The following SOX6 variants were observed in gnomAD, a reference collection of about 807,000 sequenced individuals.
The protein encoded by SOX6 is SRY-box transcription factor 6, also known as transcription factor SOX-6.
SOX6 carries 11 observed loss-of-function variants against 97.8 expected under a neutral mutation model. The observed-to-expected ratio is 0.11, with a 90% CI of 0.07 to 0.19. SOX6 has a LOEUF of 0.19. Ranked by LOEUF, SOX6 falls within the 10% of genes least tolerant of loss-of-function variation. The pLI is 1.00. For synonymous variants in SOX6, 360 were observed against 371.4 expected, an observed-to-expected ratio of 0.97 and a Z score of 0.35; for missense variants, 810 against 1,039.5, an observed-to-expected ratio of 0.78 and a Z score of 3.04.
Position 16,501,502 on chromosome 11 carries a change from T to C in SOX6, n.610-25114A>G, listed in dbSNP as rs1369520647. On this transcript the variant is annotated intron_variant and non_coding_transcript_variant, in intron 4 of 5. Transcript: ENST00000524520. Reference sequence around the variant, plus strand: ...AAGAGCTTCTGCACAGCAAAAGAAATTATCATCAGAGTGAACAGGCAACCT... The same window carrying C: ...AAGAGCTTCTGCACAGCAAAAGAAACTATCATCAGAGTGAACAGGCAACCT... 3.4e-3 allele frequency among the ~76,000 whole-genome samples: 515 copies of C among 150,614 alleles called. 2 individuals carry two copies. Among genetic ancestry groups the C allele is most frequent in the African/African-American group, 0.012 (477 of 40,162 alleles).
chr11:16,069,515 C>T (rs1848174007), intron 9 of SOX6, among the ~76,000 whole-genome samples: 1 of 152,104 alleles, frequency 6.6e-6, no homozygotes, highest in African/African-American at 2.4e-5. Context: ...GTAAAGCAAT[C>T]TTTGGGCACC....
intron 3 of SOX6, among the ~76,000 whole-genome samples, chr11:16,277,628 G>A (rs116321191): frequency 6.6e-6 from 1 of 152,138 alleles, no homozygotes; most frequent in Non-Finnish European, 1.5e-5. Context: ...ATCTTCATAG[G>A]CTACTAACCT....
chr11:16,615,000 GACA>G (rs941292208), intron 3 of SOX6, among the ~76,000 whole-genome samples: 19 of 151,950 alleles, frequency 1.3e-4, no homozygotes, highest in African/African-American at 4.6e-4. Context: ...GATGCTAATG[GACA>G]ACAAGAAATG....
At chr11:16,196,190 A>T (rs532706828) in intron 4 of SOX6, among the ~76,000 whole-genome samples, 1 of 152,220 alleles carries the variant, frequency 6.6e-6, no homozygotes, top group South Asian at 2.1e-4. Context: ...CAACAGTCCT[A>T]TGAAGTAGGT....
intron 9 of SOX6, among the ~76,000 whole-genome samples, chr11:16,081,843 T>C (rs761359832): frequency 6.6e-6 from 1 of 152,184 alleles, no homozygotes; most frequent in Non-Finnish European, 1.5e-5. Context: ...TTTTGTCAAA[T>C]AACATATCTC....
chr11:16,201,480 C>A (rs1851935550), intron 4 of SOX6, among the ~76,000 whole-genome samples: 2 of 150,522 alleles, frequency 1.3e-5, no homozygotes, highest in South Asian at 4.2e-4. Flanking sequence ...TGTAGAAACT[C>A]ATAATAAACA....
chr11:16,133,801 G>C (rs1849883937), intron 6 of SOX6, among the ~76,000 whole-genome samples: 1 of 152,116 alleles, frequency 6.6e-6, no homozygotes, highest in Non-Finnish European at 1.5e-5. Flanking sequence ...CGATTCTCCT[G>C]CCTCAGCCTC....
intron 1 of SOX6, among the ~76,000 whole-genome samples, chr11:16,431,685 A>G (rs1859275523): frequency 2.0e-5 from 3 of 152,164 alleles, no homozygotes; most frequent in African/African-American, 7.2e-5. Context: ...ACTATGAAGC[A>G]TATTAATGTT....
intron 3 of SOX6, among the ~76,000 whole-genome samples, chr11:16,660,070 C>G (rs1847754650): frequency 6.6e-6 from 1 of 152,030 alleles, no homozygotes; most frequent in African/African-American, 2.4e-5. Context: ...AAAGAGCCAA[C>G]TTTGGTTTCA....
At chr11:16,386,817 T>G (rs1858001644) in intron 1 of SOX6, among the ~76,000 whole-genome samples, 1 of 152,174 alleles carries the variant, frequency 6.6e-6, no homozygotes, top group South Asian at 2.1e-4. Context: ...AAATATTTAT[T>G]TAATGCCTTC....
chr11:16,400,050 T>G (rs779561995), intron 1 of SOX6, among the ~76,000 whole-genome samples: 2 of 151,468 alleles, frequency 1.3e-5, no homozygotes, highest in Middle Eastern at 3.2e-3. Context: ...GTTCCATTTT[T>G]TAAAGTTTCA....
At chr11:16,522,193 T>C (rs1457793696) in intron 4 of SOX6, among the ~76,000 whole-genome samples, 1 of 151,086 alleles carries the variant, frequency 6.6e-6, no homozygotes, top group African/African-American at 2.4e-5. Flanking sequence ...TTCACCAAAG[T>C]TGAAATGAAG....
intron 3 of SOX6, among the ~76,000 whole-genome samples, chr11:16,261,903 C>T (rs1323166179): frequency 6.6e-6 from 1 of 151,896 alleles, no homozygotes; most frequent in Admixed American, 6.6e-5. Context: ...AAAACAAGAT[C>T]GAAATCTAAA....
At chr11:16,015,232 A>C in intron 12 of SOX6, 182 bp from the exon 13 acceptor site, 1 of 645,252 alleles carries the variant, frequency 1.5e-6, no homozygotes, top group Non-Finnish European at 2.8e-6. Flanking sequence ...GACAGCACTG[A>C]CAGCATCTAG....
chr11:16,468,135 G>A (rs893833042), intron 1 of SOX6, among the ~76,000 whole-genome samples: 2 of 152,114 alleles, frequency 1.3e-5, no homozygotes, highest in African/African-American at 4.8e-5. Context: ...TTAAAAAGAA[G>A]TTTTCTCCAT....
intron 4 of SOX6, among the ~76,000 whole-genome samples, chr11:16,608,703 T>C (rs1235667458): frequency 2.6e-5 from 4 of 152,130 alleles, no homozygotes; most frequent in Non-Finnish European, 5.9e-5. Flanking sequence ...ATTCAAATTA[T>C]TATAAATAAC....
chr11:16,519,563 T>C (rs1224125240), intron 4 of SOX6, among the ~76,000 whole-genome samples: 2 of 152,136 alleles, frequency 1.3e-5, no homozygotes, highest in East Asian at 1.9e-4. Context: ...TTCTATGATA[T>C]ATATATATAT....
intron 10 of SOX6, among the ~76,000 whole-genome samples, chr11:16,052,120 A>ACTT (rs1847701456): frequency 6.6e-6 from 1 of 151,922 alleles, no homozygotes; most frequent in African/African-American, 2.4e-5. Context: ...ATCTTTTTTA[A>ACTT]CTTTGAAATA....
rs79239431 is a variant in SOX6 at position 16,445,473 on chromosome 11, A to C, written c.-5+30842T>G. Among the ~76,000 whole-genome samples, 1,237 of 152,214 alleles carry C rather than the reference A, an allele frequency of 8.1e-3. 35 individuals are homozygous for C. In the East Asian group the frequency reaches 0.098, roughly 12 times the overall value. ...TATCTGTGGGCATTTTTATATCCTT[A>C]TTCATAAACCAAATCTGTGTACCCA... On this transcript the variant is annotated intron_variant, in intron 1 of 15. Transcript: ENST00000396356.
Sources: gnomAD v4.1 joint callset for allele counts (sites outside exome capture counted in the v4.1 genomes callset) on GRCh38, gnomAD v4.1.1 for gene constraint, MANE v1.5 for transcripts, NCBI Gene and HGNC (gene_info 2026-07-23, HGNC 2026-07-21) for gene names.